SLC4A4: variants seen among roughly 807,000 people sequenced by gnomAD.
SLC4A4 encodes solute carrier family 4 member 4.
In SLC4A4, 27 loss-of-function variants were observed where a neutral mutation model predicts 111.5. That is an observed-to-expected ratio of 0.24 (90% CI 0.18 to 0.33). The LOEUF is 0.33. Ranked by LOEUF, SLC4A4 falls within the 10% of genes least tolerant of loss-of-function variation. The pLI is 1.00. For missense variants in SLC4A4, 909 were observed against 1,315.5 expected (o/e 0.69, Z 4.78); for synonymous variants, 443 against 463.4 (o/e 0.96, Z 0.57).
At chr4:71,147,316 C>T (rs1269521511) in intron 2 of SLC4A4, among the ~76,000 whole-genome samples, 1 of 152,062 alleles carries the variant, frequency 6.6e-6, no homozygotes, top group Non-Finnish European at 1.5e-5. Context: ...TTTGCCTTTT[C>T]TCTCTTCCCC....
chr4:71,293,329 C>T lies in SLC4A4; in HGVS notation c.253+37930C>T, dbSNP rs1462955615. Among the ~76,000 whole-genome samples, 12 of 151,336 alleles carry T rather than the reference C, an allele frequency of 7.9e-5. No individual in the cohort carries two copies. In the East Asian group the frequency reaches 1.2e-3, roughly 15 times the overall value. The stretch of plus-strand genomic sequence containing the variant: ...CTGTAATCCCAGCACTTTGGGAAGC[C>T]GAGCCAGGTGGATCACCTGAGGTCA... On this transcript the variant is annotated intron_variant, in intron 3 of 25. Coordinates refer to ENST00000264485, the MANE Select transcript of SLC4A4 (RefSeq NM_001098484.3).
chr4:71,313,652 A>T (rs1047196726), intron 3 of SLC4A4, among the ~76,000 whole-genome samples: 1 of 152,234 alleles, frequency 6.6e-6, no homozygotes, highest in Non-Finnish European at 1.5e-5. Context: ...GAGACTGTAC[A>T]AAAACAAGCA....
At chr4:71,371,375 C>G (rs1423716382) in intron 6 of SLC4A4, among the ~76,000 whole-genome samples, 2 of 151,280 alleles carry the variant, frequency 1.3e-5, no homozygotes, top group African/African-American at 4.9e-5. Flanking sequence ...TCCCAAGTGG[C>G]TGGGATTACA....
rs13149784 is a variant in SLC4A4, at chr4:71,440,843, A to T, written c.965+70A>T. On this transcript the variant is annotated intron_variant, in intron 8 of 25. Transcript: ENST00000264485. ...TATCTCCTCCCATTCAGGCTGGAGA[A>T]TCAATAGAATGAGGAAATATTTAGT... 0.19 allele frequency: 290,261 copies of T among 1,512,460 alleles called. 32,794 individuals are homozygous for T. The highest frequency in any genetic ancestry group is 0.42 in the South Asian group (37,593 of 88,954). 93.7% of individuals were successfully genotyped at this position (1,512,460 alleles called of 1,614,324 possible).
intron 3 of SLC4A4, among the ~76,000 whole-genome samples, chr4:71,311,125 A>G (rs186670644): frequency 1.3e-5 from 2 of 152,374 alleles, no homozygotes; most frequent in East Asian, 3.9e-4. Context: ...AAAGGGATCA[A>G]TGCAACAAGA....
At chr4:71,264,850 T>C (rs1016702672) in intron 3 of SLC4A4, among the ~76,000 whole-genome samples, 2 of 152,126 alleles carry the variant, frequency 1.3e-5, no homozygotes, top group Non-Finnish European at 2.9e-5. Context: ...GATTCCTAAA[T>C]ATAGGTTTTG....
chr4:71,151,821 G>A (rs1560747050), intron 2 of SLC4A4, among the ~76,000 whole-genome samples: 1 of 151,530 alleles, frequency 6.6e-6, no homozygotes, highest in Non-Finnish European at 1.5e-5. Context: ...AGCACTTTGG[G>A]AAGCCAAGGA....
At chr4:71,139,764 G>C (rs1046050962) in intron 2 of SLC4A4, among the ~76,000 whole-genome samples, 1 of 151,624 alleles carries the variant, frequency 6.6e-6, no homozygotes. Flanking sequence ...GTAATATTTT[G>C]TTTCATGCAT....
chr4:71,156,573 T>TGCGC (rs771841334), intron 2 of SLC4A4, among the ~76,000 whole-genome samples: 21,716 of 84,162 alleles, frequency 0.26, 1,947 homozygotes, highest in Admixed American at 0.4. Flanking sequence ...TGTGCGCGCA[T>TGCGC]GCGCGCGCGC....
intron 1 of SLC4A4, among the ~76,000 whole-genome samples, chr4:71,225,292 C>G (rs1042070838): frequency 1.3e-5 from 2 of 151,354 alleles, no homozygotes; most frequent in African/African-American, 4.9e-5. Context: ...GTGGAGGTTG[C>G]GGTGAGCTGA....
chr4:71,169,488 CTGTG>C (rs954975269), intron 2 of SLC4A4, among the ~76,000 whole-genome samples: 14 of 152,270 alleles, frequency 9.2e-5, no homozygotes, highest in African/African-American at 3.4e-4. Flanking sequence ...TGTTTGCCAT[CTGTG>C]TGTCTTCTTT....
intron 2 of SLC4A4, among the ~76,000 whole-genome samples, chr4:71,179,562 C>T (rs181360023): frequency 0.02 from 2,875 of 140,248 alleles, 56 homozygotes; most frequent in African/African-American, 0.073. Context: ...ATACCAATAA[C>T]AGACAGAGAG....
At chr4:71,529,108 T>A (rs560848128) in intron 16 of SLC4A4, among the ~76,000 whole-genome samples, 65 of 152,212 alleles carry the variant, frequency 4.3e-4, no homozygotes, top group African/African-American at 1.5e-3. Context: ...AAGGAATTTT[T>A]AATTTTTGGA....
chr4:71,405,877 G>C (rs549325441), intron 7 of SLC4A4, among the ~76,000 whole-genome samples: 1 of 152,124 alleles, frequency 6.6e-6, no homozygotes, highest in Admixed American at 6.6e-5. Context: ...TTATTTTCCT[G>C]ATCTAATTGG....
rs181151482 is a variant in SLC4A4, at chr4:71,425,239, C to T, written c.808-15377C>T. Among the ~76,000 whole-genome samples the T allele has an allele frequency of 3.9e-4, 59 of 152,232 alleles. No individual in the cohort carries two copies. The East Asian group carries it at 0.011, about 27-fold the overall frequency. On this transcript the variant is annotated intron_variant, in intron 7 of 25. Transcript: ENST00000264485. Reference sequence around the variant, plus strand: ...AAATGTGTACACAGAGAAACAAAGGCCAAGGAACCCTTTATTGTTGGCTGA... The same window carrying T: ...AAATGTGTACACAGAGAAACAAAGGTCAAGGAACCCTTTATTGTTGGCTGA...
intron 7 of SLC4A4, among the ~76,000 whole-genome samples, chr4:71,411,313 C>T (rs965790294): frequency 1.3e-5 from 2 of 152,032 alleles, no homozygotes; most frequent in African/African-American, 4.8e-5. Context: ...GGTGTTCGCC[C>T]ATTATTTCTC....
intron 2 of SLC4A4, among the ~76,000 whole-genome samples, chr4:71,249,470 T>C (rs142340949): frequency 8.3e-4 from 127 of 152,294 alleles, no homozygotes; most frequent in African/African-American, 2.8e-3. Context: ...CTGTGCTTTT[T>C]GAAGGGGGTT....
intron 14 of SLC4A4, among the ~76,000 whole-genome samples, chr4:71,481,788 T>C (rs769374361): frequency 3.3e-5 from 5 of 151,738 alleles, no homozygotes; most frequent in Admixed American, 6.6e-5. Context: ...AGCTAAAATC[T>C]GATACATGGG....
intron 3 of SLC4A4, among the ~76,000 whole-genome samples, chr4:71,336,848 A>G (rs2148886055): frequency 6.6e-6 from 1 of 152,310 alleles, no homozygotes; most frequent in Admixed American, 6.5e-5. Context: ...TTTACATTCC[A>G]TGATTAGCTA....
Sources: gnomAD v4.1 joint callset for allele counts (sites outside exome capture counted in the v4.1 genomes callset) on GRCh38, gnomAD v4.1.1 for gene constraint, MANE v1.5 for transcripts, NCBI Gene and HGNC (gene_info 2026-07-23, HGNC 2026-07-21) for gene names.